TET3: variants seen among roughly 807,000 people sequenced by gnomAD.
The protein encoded by TET3 is tet methylcytosine dioxygenase 3.
A neutral mutation model predicts 141.4 loss-of-function variants in TET3; 19 were observed. That is an observed-to-expected ratio of 0.13 (90% CI 0.09 to 0.20). The LOEUF (loss-of-function observed/expected upper bound fraction) is 0.20, where lower values mean the gene tolerates loss of function less well. TET3 is among the 10% of genes least tolerant of loss of function. TET3 has a pLI of 1.00. For synonymous variants in TET3, 1,043 were observed against 980.9 expected (o/e 1.06, Z -1.18); for missense variants, 1,874 against 2,356.9 (o/e 0.80, Z 4.24).
chr2:74,049,710 C>T (rs200586818), intron 4 of TET3, among the ~76,000 whole-genome samples: 1 of 152,078 alleles, frequency 6.6e-6, no homozygotes, highest in East Asian at 1.9e-4. Flanking sequence ...TGTTGTTTCC[C>T]GGTCAGTAGG....
chr2:74,122,634 C>G, the TET3 span, among the ~76,000 whole-genome samples: 2 of 144,532 alleles, frequency 1.4e-5, no homozygotes, highest in Non-Finnish European at 3.0e-5. Flanking sequence ...CTACCTCAGC[C>G]TCCCAAGTAG....
chr2:74,043,442 G>C (rs1023100888), intron 3 of TET3, among the ~76,000 whole-genome samples: 1 of 152,216 alleles, frequency 6.6e-6, no homozygotes, highest in Non-Finnish European at 1.5e-5. Flanking sequence ...CCACCATCAA[G>C]TGGGGGAGGG....
the TET3 span, among the ~76,000 whole-genome samples, chr2:74,129,071 G>A: frequency 6.7e-6 from 1 of 150,298 alleles, no homozygotes; most frequent in East Asian, 1.9e-4. Flanking sequence ...ATTAGTGCTG[G>A]GATTGAGGCA....
Position 74,024,071 on chromosome 2 carries a change from G to C in TET3, c.360+20905G>C, listed in dbSNP as rs1189819653. Reference sequence around the variant, plus strand: ...TATGAAAACATGAATTTTTCTAATAGATACTGTTCTCACTGATATTTAATC... The same window carrying C: ...TATGAAAACATGAATTTTTCTAATACATACTGTTCTCACTGATATTTAATC... On this transcript the variant is annotated intron_variant, in intron 3 of 11. Coordinates refer to ENST00000409262, the MANE Select transcript of TET3 (RefSeq NM_001287491.2). Among the ~76,000 whole-genome samples, 3 of 152,214 alleles carry C rather than the reference G, an allele frequency of 2.0e-5. No individual in the cohort carries two copies. In the East Asian group the frequency reaches 5.8e-4, roughly 29 times the overall value.
the TET3 span, among the ~76,000 whole-genome samples, chr2:74,116,765 G>A: frequency 1.3e-5 from 2 of 149,994 alleles, no homozygotes; most frequent in Non-Finnish European, 3.0e-5. Context: ...AAAATTAAAA[G>A]AACAAACAAA....
chr2:73,986,504 G>C lies in TET3; in HGVS notation c.101G>C (p.Gly34Ala). 8.1e-7 allele frequency: 1 copy of C among 1,232,170 alleles called. No homozygotes were observed. The highest frequency in any genetic ancestry group is 1.0e-6 in the Non-Finnish European group (1 of 988,040). 76.3% of individuals were successfully genotyped at this position (1,232,170 alleles called of 1,614,324 possible). A position where few individuals can be genotyped will look rare whatever the true frequency, so the allele number is the denominator to read the frequency against. ...QVMVGSFPGS[G>A]LSMAGSESQL... ...ATGGTAGGGAGCTTCCCGGGGTCTG[G>C]GCTCTCCATGGCTGGGAGTGAGTCC... The change falls in exon 2 of 12, where the codon GGG (glycine) becomes GCG (alanine). Residue 34 changes from glycine to alanine, a missense_variant. Gly to Ala is a moderately conservative substitution (Grantham distance 60). Around this residue, in one of 10 missense-constraint regions of TET3, gnomAD observed 366 missense variants for 487.0 expected, o/e 0.75. Transcript: ENST00000409262.
At chr2:74,069,954 A>C (rs974273960) in intron 4 of TET3, among the ~76,000 whole-genome samples, 1 of 152,126 alleles carries the variant, frequency 6.6e-6, no homozygotes, top group African/African-American at 2.4e-5. Flanking sequence ...CCATTCTCTT[A>C]ACTTTTGTGA....
At chr2:74,029,112 G>A (rs1477451190) in intron 3 of TET3, among the ~76,000 whole-genome samples, 3 of 152,160 alleles carry the variant, frequency 2.0e-5, no homozygotes, top group Admixed American at 6.5e-5. Flanking sequence ...CTTGAAAGGG[G>A]CAGTTGTCCC....
chr2:74,008,564 G>A (rs923290895), intron 3 of TET3, among the ~76,000 whole-genome samples: 2 of 152,134 alleles, frequency 1.3e-5, no homozygotes, highest in African/African-American at 4.8e-5. Context: ...TCCCCTGGGG[G>A]TTGATTGCAG....
the TET3 span, among the ~76,000 whole-genome samples, chr2:74,119,898 G>T: frequency 6.6e-6 from 1 of 152,128 alleles, no homozygotes; most frequent in Admixed American, 6.5e-5. Flanking sequence ...CTTTTTAATT[G>T]AATGTTTTAA....
chr2:74,067,888 T>C (rs754135468), intron 4 of TET3, among the ~76,000 whole-genome samples: 1 of 152,158 alleles, frequency 6.6e-6, no homozygotes, highest in Non-Finnish European at 1.5e-5. Flanking sequence ...GGTGGGGACT[T>C]TGTGGACCAC....
At chr2:74,013,910 A>G (rs6743073) in intron 3 of TET3, among the ~76,000 whole-genome samples, 59,198 of 152,066 alleles carry the variant, frequency 0.39, 14,621 homozygotes, top group African/African-American at 0.7. Context: ...GTTATCAAAT[A>G]TTTACTTTGT....
At chr2:74,017,865 A>AAC (rs1358808590) in intron 3 of TET3, among the ~76,000 whole-genome samples, 1 of 152,050 alleles carries the variant, frequency 6.6e-6, no homozygotes, top group Non-Finnish European at 1.5e-5. Flanking sequence ...AACAGTCTGT[A>AAC]AGAGTTCCCC....
rs1691581103 is a variant in TET3 at position 74,107,672 on chromosome 2, ATG to A, written c.*5500_*5501del. On this transcript the variant is annotated 3_prime_UTR_variant, in exon 12 of 12. Transcript: ENST00000409262. ...AATCTAGAACCCCTGTAGCTTTTTG[ATG>A]TGTTTTATTTCTTATCTCTTTGAAT... 1 of 152,076 alleles carries A rather than the reference ATG, an allele frequency of 6.6e-6. No individual in the cohort carries two copies. Among genetic ancestry groups the A allele is most frequent in the Non-Finnish European group, 1.5e-5 (1 of 68,018 alleles). 9.4% of individuals were successfully genotyped at this position (152,076 alleles called of 1,614,324 possible). A position where few individuals can be genotyped will look rare whatever the true frequency, so the allele number is the denominator to read the frequency against.
intron 3 of TET3, among the ~76,000 whole-genome samples, chr2:74,013,246 G>A (rs1009468560): frequency 2.6e-5 from 4 of 151,548 alleles, no homozygotes; most frequent in Non-Finnish European, 4.4e-5. Context: ...CGCCCACCTC[G>A]GCCTCCCAAA....
downstream of TET3, among the ~76,000 whole-genome samples, chr2:74,112,032 C>T (rs922947299): frequency 1.3e-5 from 2 of 152,150 alleles, no homozygotes; most frequent in Non-Finnish European, 2.9e-5. Flanking sequence ...ATTCTAGCCC[C>T]CATTTGATCT....
chr2:74,123,507 G>A, the TET3 span, among the ~76,000 whole-genome samples: 33,676 of 152,152 alleles, frequency 0.22, 4,337 homozygotes, highest in East Asian at 0.49. Flanking sequence ...CAAGAAACAC[G>A]CCAGCCAGGG....
At chr2:74,121,610 A>G in the TET3 span, 1 of 152,248 alleles carries the variant, frequency 6.6e-6, no homozygotes, top group Non-Finnish European at 1.5e-5. Context: ...CTGGCTGTTC[A>G]TAAAAATGTA....
intron 10 of TET3, among the ~76,000 whole-genome samples, chr2:74,097,222 C>CACACAT (rs1553435469): frequency 6.6e-6 from 1 of 151,310 alleles, no homozygotes; most frequent in Non-Finnish European, 1.5e-5. Flanking sequence ...CACACACACA[C>CACACAT]ACACACACAT....
Sources: allele counts gnomAD v4.1 joint callset (sites outside exome capture counted in the v4.1 genomes callset), GRCh38; gene constraint gnomAD v4.1.1; regional missense constraint gnomAD v4.1.1; transcripts MANE v1.5; gene names NCBI Gene and HGNC (gene_info 2026-07-23, HGNC 2026-07-21).